APBA2: variants seen among roughly 807,000 people sequenced by gnomAD.
The protein encoded by APBA2 is amyloid-beta A4 precursor protein-binding family A member 2.
Under a neutral mutation model 75.0 loss-of-function variants are expected in APBA2, and 30 were observed. The ratio of observed to expected loss-of-function variants is 0.40; its 90% CI spans 0.30 to 0.54. The LOEUF (loss-of-function observed/expected upper bound fraction) is 0.54. Among genes scored for constraint, APBA2 ranks in the 20% least tolerant of loss-of-function variants. APBA2 has a pLI of 0.49. For missense variants in APBA2, 801 were observed against 1,016.1 expected, an observed-to-expected ratio of 0.79 and a Z score of 2.88; for synonymous variants, 444 against 409.6, an observed-to-expected ratio of 1.08 and a Z score of -1.01.
chr15:28,977,160 C>G (rs1312871857), intron 2 of APBA2: 2 of 152,180 alleles, frequency 1.3e-5, no homozygotes, highest in African/African-American at 4.8e-5. Flanking sequence ...CCTCACAGTT[C>G]TGAAGGCTGG....
chr15:28,897,182 GACACACACAC>G (rs368122549), intron 1 of APBA2, among the ~76,000 whole-genome samples: 169 of 148,150 alleles, frequency 1.1e-3, no homozygotes, highest in African/African-American at 4.0e-3. Context: ...CAAAAGACAC[GACACACACAC>G]ACACACACAC....
intron 2 of APBA2, among the ~76,000 whole-genome samples, chr15:28,993,322 G>A (rs142757748): frequency 6.6e-6 from 1 of 152,386 alleles, no homozygotes; most frequent in Non-Finnish European, 1.5e-5. Context: ...GGGCCCTGGA[G>A]AGGGCAAGGA....
chr15:28,903,949 C>T (rs1255730462), intron 1 of APBA2, among the ~76,000 whole-genome samples: 3 of 152,076 alleles, frequency 2.0e-5, no homozygotes, highest in Admixed American at 6.5e-5. Context: ...ACCACTCATC[C>T]GGATTTTGTG....
chr15:29,055,289 G>A (rs2041832237), intron 4 of APBA2, among the ~76,000 whole-genome samples: 1 of 152,182 alleles, frequency 6.6e-6, no homozygotes, highest in Non-Finnish European at 1.5e-5. Flanking sequence ...GGCTGGGGTC[G>A]GGGCCAGAGT....
chr15:28,930,783 T>C (rs2034521227), intron 2 of APBA2, among the ~76,000 whole-genome samples: 4 of 152,182 alleles, frequency 2.6e-5, no homozygotes, highest in Admixed American at 2.6e-4. Context: ...AGCTCTTCCC[T>C]GCGACCTGTG....
chr15:29,101,138 A>G (rs1311754019), intron 9 of APBA2, among the ~76,000 whole-genome samples: 2 of 151,914 alleles, frequency 1.3e-5, no homozygotes, highest in Non-Finnish European at 2.9e-5. Context: ...AGTGCACATG[A>G]CAGCCCTCCA....
At chr15:29,052,775 G>T (rs890292712) in intron 3 of APBA2, among the ~76,000 whole-genome samples, 4 of 152,170 alleles carry the variant, frequency 2.6e-5, no homozygotes, top group Non-Finnish European at 5.9e-5. Flanking sequence ...CAAGGTCAAG[G>T]TGCCAGCATC....
chr15:29,048,334 C>A (rs144295785), intron 3 of APBA2, among the ~76,000 whole-genome samples: 1 of 151,950 alleles, frequency 6.6e-6, no homozygotes, highest in Admixed American at 6.6e-5. Context: ...GGCGACAGAG[C>A]GAGACCTTGT....
At chr15:29,027,837 A>G (rs2040298986) in intron 3 of APBA2, among the ~76,000 whole-genome samples, 1 of 152,002 alleles carries the variant, frequency 6.6e-6, no homozygotes. Flanking sequence ...TCCTGACCTC[A>G]TGATCCGCCC....
chr15:28,949,128 G>A (rs1435023013), intron 2 of APBA2, among the ~76,000 whole-genome samples: 1 of 151,898 alleles, frequency 6.6e-6, no homozygotes, highest in African/African-American at 2.4e-5. Context: ...GGTGGTAAAG[G>A]AATCAATCAC....
At chr15:29,020,111 A>G (rs150171100) in intron 3 of APBA2, among the ~76,000 whole-genome samples, 4 of 152,192 alleles carry the variant, frequency 2.6e-5, no homozygotes, top group Non-Finnish European at 5.9e-5. Context: ...TCAGTTTCCC[A>G]TGGGGTTATT....
At chr15:28,900,757 C>T (rs2032801565) in intron 1 of APBA2, among the ~76,000 whole-genome samples, 1 of 152,188 alleles carries the variant, frequency 6.6e-6, no homozygotes, top group South Asian at 2.1e-4. Flanking sequence ...GCCTCTTCAC[C>T]CTGCAGGGAC....
At chr15:28,943,022 T>C (rs2035326008) in intron 2 of APBA2, among the ~76,000 whole-genome samples, 1 of 152,202 alleles carries the variant, frequency 6.6e-6, no homozygotes, top group African/African-American at 2.4e-5. Context: ...CACCCAAAAT[T>C]ACAGAGCAAA....
At chr15:28,950,661 C>T (rs918430557) in intron 2 of APBA2, among the ~76,000 whole-genome samples, 50 of 151,928 alleles carry the variant, frequency 3.3e-4, no homozygotes, top group African/African-American at 1.1e-3. Context: ...AAGATTACCC[C>T]ACCTTCTTTC....
At chr15:28,908,467 T>C (rs1480590659) in intron 1 of APBA2, among the ~76,000 whole-genome samples, 3 of 152,072 alleles carry the variant, frequency 2.0e-5, no homozygotes, top group Non-Finnish European at 2.9e-5. Flanking sequence ...CCCGCCACCA[T>C]GCCCAGCTAA....
At chr15:29,070,866 G>C in intron 4 of APBA2, 1 of 324,518 alleles carries the variant, frequency 3.1e-6, no homozygotes, top group South Asian at 2.4e-5. Context: ...TTGAAAACAG[G>C]AGCCGTGAAG....
intron 3 of APBA2, 60 bp from the exon 4 acceptor site, chr15:29,053,785 C>T: frequency 9.1e-7 from 1 of 1,093,540 alleles, no homozygotes. Context: ...GAAGTGGCCC[C>T]ACACATGGCT....
intron 3 of APBA2, among the ~76,000 whole-genome samples, chr15:28,997,851 C>T (rs1010544596): frequency 6.6e-6 from 1 of 152,150 alleles, no homozygotes; most frequent in Admixed American, 6.5e-5. Context: ...GGCTCTCTTC[C>T]CAATTGCTCT....
chr15:29,073,622 G>A (rs2042720631), intron 4 of APBA2, among the ~76,000 whole-genome samples: 1 of 152,236 alleles, frequency 6.6e-6, no homozygotes, highest in Admixed American at 6.5e-5. Flanking sequence ...AAAGTACTGG[G>A]ATTACAGGCG....
Sources: gnomAD v4.1 joint callset for allele counts (sites outside exome capture counted in the v4.1 genomes callset) on GRCh38, gnomAD v4.1.1 for gene constraint, MANE v1.5 for transcripts, NCBI Gene and HGNC (gene_info 2026-07-23, HGNC 2026-07-21) for gene names.